The following ZKSCAN2 variants were observed in gnomAD, a reference collection of about 807,000 sequenced individuals.
The protein encoded by ZKSCAN2 is zinc finger protein with KRAB and SCAN domains 2.
A neutral mutation model predicts 90.5 loss-of-function variants in ZKSCAN2; 38 were observed. The observed-to-expected ratio is 0.42, with a 90% CI of 0.32 to 0.55. The LOEUF (loss-of-function observed/expected upper bound fraction) is 0.55, where lower values mean the gene tolerates loss of function less well. Among genes scored for constraint, ZKSCAN2 ranks in the 20% least tolerant of loss-of-function variants. ZKSCAN2 has a pLI of 0.11. For synonymous variants in ZKSCAN2, 429 were observed against 421.6 expected (o/e 1.02, Z -0.22); for missense variants, 1,167 against 1,202.6 (o/e 0.97, Z 0.44).
Position 25,240,671 on chromosome 16 carries a change from A to G in ZKSCAN2, c.2049T>C (p.His683=). The G allele has an allele frequency of 2.5e-6, 4 of 1,614,142 alleles. No individual in the cohort carries two copies. Among genetic ancestry groups the G allele is most frequent in the East Asian group, 4.5e-5 (2 of 44,892 alleles). Residue 683 remains histidine, a synonymous_variant, in exon 7 of 7, where the codon CAT becomes CAC. Transcript: ENST00000328086. The stretch of plus-strand genomic sequence containing the variant: ...TTTTAGACTTTTCTATTAATGCCCT[A>G]TGCTGTTCCATGTCCTTATATACTA... ...TQIVYKDMEQ[H]RALIEKSKRV...
Position 25,240,450 on chromosome 16 carries a change from A to G in ZKSCAN2, c.2270T>C (p.Phe757Ser). The stretch of plus-strand genomic sequence containing the variant: ...GCACATCAGACGAGTGCTCCTTCCA[A>G]AGCTTTCTCCATATTTGAGAAGTCT... ...PYRLLKYGESFGRSTRLMCRM... is the reference protein window; with the variant it reads ...PYRLLKYGESSGRSTRLMCRM... The change falls in exon 7 of 7, where the codon TTT becomes TCT. Residue 757 changes from phenylalanine (F) to serine (S), a missense_variant. Transcript: ENST00000328086. The G allele has an allele frequency of 6.2e-7, 1 of 1,614,082 alleles. No individual in the cohort carries two copies. Among genetic ancestry groups the G allele is most frequent in the South Asian group, 1.1e-5 (1 of 91,078 alleles).
At chr16:25,253,486 T>C (rs954271190) in intron 2 of ZKSCAN2, among the ~76,000 whole-genome samples, 5 of 150,874 alleles carry the variant, frequency 3.3e-5, no homozygotes, top group African/African-American at 1.2e-4. Context: ...ATCATGGACA[T>C]TTGCAATGCA....
At position 25,237,951 on chromosome 16, in the gene ZKSCAN2, A is replaced by G. The variant is rs1962795064; in HGVS notation, c.*1865T>C. The G allele has an allele frequency of 1.3e-5, 2 of 152,278 alleles. No homozygotes were observed. Among genetic ancestry groups the G allele is most frequent in the South Asian group, 4.1e-4 (2 of 4,836 alleles). The allele number at this position is 152,278 out of a possible 1,614,324, so 9.4% of individuals were successfully genotyped here. A position where few individuals can be genotyped will look rare whatever the true frequency, so the allele number is the denominator to read the frequency against. On this transcript the variant is annotated 3_prime_UTR_variant, in exon 7 of 7. Coordinates refer to ENST00000328086, the MANE Select transcript of ZKSCAN2 (RefSeq NM_001012981.5). ...CCAACATGGAACTGTACTTAGCATT[A>G]GAAATCTATAACTTGGACAACACAG...
In ZKSCAN2 at chr16:25,246,910, G is replaced by T; in HGVS notation, c.1286C>A (p.Ala429Glu). Residue 429 changes from alanine to glutamate, a missense_variant, in exon 5 of 7, where the codon GCA (alanine) becomes GAA (glutamate). Physicochemically the swap from Ala to Glu is moderately radical, Grantham distance 107 (BLOSUM62 -1). Coordinates refer to ENST00000328086, the MANE Select transcript of ZKSCAN2 (RefSeq NM_001012981.5). Reference sequence around the variant, plus strand: ...TTTATCAGTGGACGGAGCACGGGCTGCAGGGTTCAACAAAGCATCCATGTC... The same window carrying T: ...TTTATCAGTGGACGGAGCACGGGCTTCAGGGTTCAACAAAGCATCCATGTC... ...FEDMDALLNPAARAPSTDKPK... is the reference protein window; with the variant it reads ...FEDMDALLNPEARAPSTDKPK... 1 of 1,614,194 alleles carries T rather than the reference G, an allele frequency of 6.2e-7. No homozygotes were observed. The highest frequency in any genetic ancestry group is 8.5e-7 in the Non-Finnish European group (1 of 1,180,028).
chr16:25,247,030 G>A lies in ZKSCAN2; in HGVS notation c.1166C>T (p.Thr389Ile), dbSNP rs1962944402. ...EWLRECGFLRTPEQCRTKFKS... is the reference protein window; with the variant it reads ...EWLRECGFLRIPEQCRTKFKS... Reference sequence around the variant, plus strand: ...GAACTTGGTTCGACACTGTTCTGGGGTTCTAAGGAAGCCACATTCTCGCAA... The same window carrying A: ...GAACTTGGTTCGACACTGTTCTGGGATTCTAAGGAAGCCACATTCTCGCAA... Residue 389 changes from threonine to isoleucine, a missense_variant, in exon 5 of 7, where the codon ACC becomes ATC. Thr to Ile is a moderately conservative substitution (Grantham distance 89). Coordinates refer to ENST00000328086, the MANE Select transcript of ZKSCAN2 (RefSeq NM_001012981.5). 1 of 1,614,010 alleles carries A rather than the reference G, an allele frequency of 6.2e-7. No homozygotes were observed. The highest frequency in any genetic ancestry group is 8.5e-7 in the Non-Finnish European group (1 of 1,180,034).
Position 25,240,429 on chromosome 16 carries a change from A to T in ZKSCAN2, c.2291T>A (p.Met764Lys). Residue 764 changes from methionine to lysine, a missense_variant, in exon 7 of 7, where the codon ATG becomes AAG. Physicochemically the swap from Met to Lys is moderately conservative, Grantham distance 95. Coordinates refer to ENST00000328086, the MANE Select transcript of ZKSCAN2 (RefSeq NM_001012981.5). ...GESFGRSTRL[M>K]CRMTHHKENP... ...CTCCTTGTGGTGGGTCATCCGGCAC[A>T]TCAGACGAGTGCTCCTTCCAAAGCT... is the stretch of plus-strand genomic sequence containing the variant. The T allele has an allele frequency of 1.2e-6, 2 of 1,614,226 alleles. No homozygotes were observed. Among genetic ancestry groups the T allele is most frequent in the Non-Finnish European group, 1.7e-6 (2 of 1,180,036 alleles).
chr16:25,243,716 T>G, intron 6 of ZKSCAN2, 69 bp downstream of exon 6: 1 of 1,497,140 alleles, frequency 6.7e-7, no homozygotes, highest in Non-Finnish European at 9.0e-7. Flanking sequence ...ATGTGCAAGA[T>G]CTACTCATTT....
At chr16:25,247,913 T>C (rs181363348) in intron 4 of ZKSCAN2, among the ~76,000 whole-genome samples, 25 of 152,180 alleles carry the variant, frequency 1.6e-4, no homozygotes, top group African/African-American at 5.5e-4. Context: ...CAAAGACCAG[T>C]AGAACAGAAT....
chr16:25,239,977 A>G lies in ZKSCAN2; in HGVS notation c.2743T>C (p.Tyr915His), dbSNP rs1962824806. 5.6e-6 allele frequency: 9 copies of G among 1,614,036 alleles called. No individual in the cohort carries two copies. The South Asian group carries it at 7.7e-5, about 14-fold the overall frequency. The change falls in exon 7 of 7, where the codon TAT becomes CAT. Residue 915 changes from tyrosine (Y) to histidine (H), a missense_variant. Physicochemically the swap from Tyr to His is moderately conservative, Grantham distance 83. Transcript: ENST00000328086. ...CGTTTGCCACACTGGGCACATCCAT[A>G]GGGCTTCTCTCCAGTGTGTATTCTC... is the stretch of plus-strand genomic sequence containing the variant. Reference protein sequence around the residue: ...HRRIHTGEKPYGCAQCGKRFS... With the variant: ...HRRIHTGEKPHGCAQCGKRFS...
chr16:25,252,306 A>G (rs1020793752), intron 3 of ZKSCAN2, among the ~76,000 whole-genome samples: 3 of 152,210 alleles, frequency 2.0e-5, no homozygotes, highest in South Asian at 2.1e-4. Flanking sequence ...TGTGAGGACT[A>G]TAAGTGTATT....
chr16:25,246,155 C>A (rs184949476), intron 5 of ZKSCAN2: 1 of 153,338 alleles, frequency 6.5e-6, no homozygotes, highest in East Asian at 1.9e-4. Context: ...AATCTTAGTT[C>A]TTTAAGTTTG....
intron 4 of ZKSCAN2, 152 bp from the exon 5 acceptor site, chr16:25,247,542 G>T: frequency 1.6e-6 from 1 of 621,188 alleles, no homozygotes; most frequent in Non-Finnish European, 2.8e-6. Flanking sequence ...TGACTTCCTT[G>T]GTACAAACAT....
intron 2 of ZKSCAN2, among the ~76,000 whole-genome samples, chr16:25,254,332 G>A (rs911239256): frequency 2.0e-5 from 3 of 152,250 alleles, no homozygotes; most frequent in Non-Finnish European, 1.5e-5. Flanking sequence ...GGACTGGGAA[G>A]GACAGGGTAT....
chr16:25,244,415 G>A (rs184187348), intron 5 of ZKSCAN2, 139 bp from the exon 6 acceptor site: 12 of 862,854 alleles, frequency 1.4e-5, no homozygotes, highest in Non-Finnish European at 1.9e-5. Context: ...CTAGGAATAA[G>A]CTTTGCAAGA....
chr16:25,241,421 T>C (rs1962852304), intron 6 of ZKSCAN2, among the ~76,000 whole-genome samples: 3 of 152,248 alleles, frequency 2.0e-5, no homozygotes, highest in African/African-American at 7.2e-5. Context: ...TGGTCCCATC[T>C]TGGTGAGTTA....
At chr16:25,248,063 T>C (rs1463370486) in intron 4 of ZKSCAN2, among the ~76,000 whole-genome samples, 2 of 151,990 alleles carry the variant, frequency 1.3e-5, no homozygotes, top group African/African-American at 4.8e-5. Context: ...AGAGTGAAAC[T>C]GGACCCCTGT....
chr16:25,257,661 T>G lies in ZKSCAN2; in HGVS notation c.-534A>C. 1 of 257,488 alleles carries G rather than the reference T, an allele frequency of 3.9e-6. No individual in the cohort carries two copies. The highest frequency in any genetic ancestry group is 6.1e-6 in the Non-Finnish European group (1 of 164,806). The allele number at this position is 257,488 out of a possible 1,614,324, so 16.0% of individuals were successfully genotyped here. A position where few individuals can be genotyped will look rare whatever the true frequency, so the allele number is the denominator to read the frequency against. Reference sequence around the variant, plus strand: ...CCGGATTCCGAGAGCGGCGCCGGGCTCTTTCGGGCCCACGACGGCCCCGAC... The same window carrying G: ...CCGGATTCCGAGAGCGGCGCCGGGCGCTTTCGGGCCCACGACGGCCCCGAC... On this transcript the variant is annotated 5_prime_UTR_variant, in exon 1 of 7. Coordinates refer to ENST00000328086, the MANE Select transcript of ZKSCAN2 (RefSeq NM_001012981.5).
In ZKSCAN2 at chr16:25,256,973, C is replaced by G. The variant is rs1385875203; in HGVS notation, c.155G>C (p.Cys52Ser). 6.2e-6 allele frequency: 10 copies of G among 1,614,220 alleles called. No homozygotes were observed. The East Asian group carries it at 1.6e-4, about 25-fold the overall frequency. The change falls in exon 1 of 7, where the codon TGT (cysteine) becomes TCT (serine). Residue 52 changes from cysteine (C) to serine (S), a missense_variant. Cys to Ser is a moderately radical substitution (Grantham distance 112). Transcript: ENST00000328086. ...ATGGGGTCCAGTCACATCCTCATAACAGAATTGCCTGAAGCATTTGCGGAA... is the reference window on the plus strand; with the variant it reads ...ATGGGGTCCAGTCACATCCTCATAAGAGAATTGCCTGAAGCATTTGCGGAA... ...ETFRKCFRQF[C>S]YEDVTGPHEA...
chr16:25,257,483 G>GCCGGC lies in ZKSCAN2; in HGVS notation c.-357_-356insGCCGG. On this transcript the variant is annotated 5_prime_UTR_variant, in exon 1 of 7. Transcript: ENST00000328086. Reference sequence around the variant, plus strand: ...AGGCTGGGCGGAGGCGGACAGCCGGGCCGGGAGGGGGTGTGTCCGCTACTC... The same window carrying GCCGGC: ...AGGCTGGGCGGAGGCGGACAGCCGGGCCGGCCCGGGAGGGGGTGTGTCCGCTACTC... The GCCGGC allele has an allele frequency of 9.9e-7, 1 of 1,010,108 alleles. No homozygotes were observed. The highest frequency in any genetic ancestry group is 1.2e-6 in the Non-Finnish European group (1 of 847,084). The allele number at this position is 1,010,108 out of a possible 1,614,324, so 62.6% of individuals were successfully genotyped here.
Sources: gnomAD v4.1 joint callset for allele counts (sites outside exome capture counted in the v4.1 genomes callset) on GRCh38, gnomAD v4.1.1 for gene constraint, MANE v1.5 for transcripts, NCBI Gene and HGNC (gene_info 2026-07-23, HGNC 2026-07-21) for gene names.